Variants in SRD5A2 observed in about 807,000 individuals in gnomAD.
The protein encoded by SRD5A2 is steroid 5 alpha-reductase 2.
Under a neutral mutation model 27.4 loss-of-function variants are expected in SRD5A2, and 30 were observed. The ratio of observed to expected loss-of-function variants is 1.10; its 90% CI spans 0.82 to 1.49. The LOEUF (loss-of-function observed/expected upper bound fraction) is 1.49. Among genes scored for constraint, SRD5A2 ranks in the 40% most tolerant of loss-of-function variants. The probability of loss-of-function intolerance (pLI) is 0.00; values close to 1 mark genes in which losing one functional copy is unlikely to be tolerated. For synonymous variants in SRD5A2, 141 were observed against 133.6 expected (o/e 1.06, Z -0.38); for missense variants, 348 against 323.4 (o/e 1.08, Z -0.58).
chr2:31,541,889 G>A (rs1666136810), intron 1 of SRD5A2, among the ~76,000 whole-genome samples: 1 of 152,204 alleles, frequency 6.6e-6, no homozygotes, highest in African/African-American at 2.4e-5. Context: ...GGAGCATATA[G>A]ATCAGCCCTA....
At chr2:31,635,533 T>C in the SRD5A2 span, among the ~76,000 whole-genome samples, 3 of 152,176 alleles carry the variant, frequency 2.0e-5, no homozygotes, top group Non-Finnish European at 4.4e-5. Flanking sequence ...CCTTTGCTTT[T>C]TAGAAGTATT....
At chr2:31,656,647 C>G in the SRD5A2 span, among the ~76,000 whole-genome samples, 1 of 152,142 alleles carries the variant, frequency 6.6e-6, no homozygotes, top group African/African-American at 2.4e-5. Flanking sequence ...GACACAGTAA[C>G]AAGGCAACAT....
chr2:31,580,825 A>T lies in SRD5A2; in HGVS notation c.76T>A (p.Tyr26Asn). Residue 26 changes from tyrosine (Y) to asparagine (N), a missense_variant, in exon 1 of 5, where the codon TAC becomes AAC. Tyr to Asn is a moderately radical substitution (Grantham distance 143). Coordinates refer to ENST00000622030, the MANE Select transcript of SRD5A2 (RefSeq NM_000348.4). ...TLVALGALALYVAKPSGYGKH... is the reference protein window; with the variant it reads ...TLVALGALALNVAKPSGYGKH... ...CCGTAGCCGGAGGGCTTCGCGACGT[A>T]CAAGGCCAGTGCCCCAAGGGCGACC... is the stretch of plus-strand genomic sequence containing the variant. The T allele has an allele frequency of 6.2e-7, 1 of 1,612,544 alleles. No homozygotes were observed. The highest frequency in any genetic ancestry group is 8.5e-7 in the Non-Finnish European group (1 of 1,179,698).
At chr2:31,565,397 T>A (rs1200289780) in intron 1 of SRD5A2, among the ~76,000 whole-genome samples, 1 of 151,852 alleles carries the variant, frequency 6.6e-6, no homozygotes, top group African/African-American at 2.4e-5. Flanking sequence ...TCAGAGATTG[T>A]CAGAATGGCA....
chr2:31,598,645 C>G, the SRD5A2 span, among the ~76,000 whole-genome samples: 2 of 150,996 alleles, frequency 1.3e-5, no homozygotes, highest in African/African-American at 4.9e-5. Flanking sequence ...CTCATGGTAA[C>G]CTCACACCAA....
chr2:31,583,113 T>C (rs1001910949), upstream of SRD5A2, among the ~76,000 whole-genome samples: 5 of 152,234 alleles, frequency 3.3e-5, no homozygotes, highest in South Asian at 4.1e-4. Flanking sequence ...GCTTGACTTA[T>C]CTTAACAATA....
intron 1 of SRD5A2, among the ~76,000 whole-genome samples, chr2:31,555,956 A>C (rs725631): frequency 0.72 from 109,811 of 151,998 alleles, 40,053 homozygotes; most frequent in African/African-American, 0.8. Flanking sequence ...AAAACAAAAT[A>C]AAAAACAGCC....
chr2:31,533,487 G>C, intron 2 of SRD5A2, 116 bp downstream of exon 2: 1 of 912,324 alleles, frequency 1.1e-6, no homozygotes, highest in South Asian at 1.6e-5. Context: ...TAGAGGTGAG[G>C]GAGGGGAAGA....
chr2:31,649,135 T>G, the SRD5A2 span, among the ~76,000 whole-genome samples: 4 of 152,178 alleles, frequency 2.6e-5, no homozygotes, highest in Non-Finnish European at 4.4e-5. Context: ...TCATTTGGAG[T>G]GGATAACTGG....
intron 1 of SRD5A2, among the ~76,000 whole-genome samples, chr2:31,542,854 G>C (rs1422704519): frequency 2.0e-5 from 3 of 152,222 alleles, no homozygotes; most frequent in East Asian, 3.9e-4. Context: ...ACAACGCAGA[G>C]AGAAAGAAAG....
chr2:31,633,853 C>G, the SRD5A2 span, among the ~76,000 whole-genome samples: 1 of 152,168 alleles, frequency 6.6e-6, no homozygotes, highest in African/African-American at 2.4e-5. Context: ...ACTTAGCTCA[C>G]ACCTGACCAA....
the SRD5A2 span, among the ~76,000 whole-genome samples, chr2:31,640,874 C>G: frequency 6.6e-6 from 1 of 151,886 alleles, no homozygotes; most frequent in African/African-American, 2.4e-5. Context: ...AAAAAAAAGT[C>G]TCCTGCCAGG....
chr2:31,598,878 C>T, the SRD5A2 span, among the ~76,000 whole-genome samples: 1 of 151,822 alleles, frequency 6.6e-6, no homozygotes, highest in African/African-American at 2.4e-5. Context: ...CATAAAGTAG[C>T]TGAATGGATG....
At chr2:31,643,597 T>G in the SRD5A2 span, among the ~76,000 whole-genome samples, 1 of 152,062 alleles carries the variant, frequency 6.6e-6, no homozygotes, top group African/African-American at 2.4e-5. Flanking sequence ...CAAAAGGAAC[T>G]AATGCACTTG....
At chr2:31,640,321 T>A in the SRD5A2 span, among the ~76,000 whole-genome samples, 1 of 152,148 alleles carries the variant, frequency 6.6e-6, no homozygotes, top group Non-Finnish European at 1.5e-5. Flanking sequence ...AGCTGACAAA[T>A]CACCTTCTTG....
chr2:31,546,845 C>A (rs1666272005), intron 1 of SRD5A2, among the ~76,000 whole-genome samples: 1 of 152,010 alleles, frequency 6.6e-6, no homozygotes, highest in Non-Finnish European at 1.5e-5. Context: ...ACCTGTAATC[C>A]CAGCACTTTG....
the SRD5A2 span, among the ~76,000 whole-genome samples, chr2:31,613,004 A>T: frequency 6.6e-6 from 1 of 152,210 alleles, no homozygotes; most frequent in Admixed American, 6.5e-5. Context: ...CATACCATAT[A>T]CAAAAATTAA....
the SRD5A2 span, among the ~76,000 whole-genome samples, chr2:31,629,002 T>C: frequency 2.6e-5 from 4 of 152,306 alleles, no homozygotes; most frequent in African/African-American, 9.6e-5. Flanking sequence ...CTTAAATGTA[T>C]GATTTTTTTC....
the SRD5A2 span, among the ~76,000 whole-genome samples, chr2:31,589,909 C>T: frequency 1.3e-5 from 2 of 152,140 alleles, no homozygotes; most frequent in Non-Finnish European, 2.9e-5. Flanking sequence ...TGGATATAAA[C>T]TCAGTGCTGT....
Sources: allele counts gnomAD v4.1 joint callset (sites outside exome capture counted in the v4.1 genomes callset), GRCh38; gene constraint gnomAD v4.1.1; transcripts MANE v1.5; gene names NCBI Gene and HGNC (gene_info 2026-07-23, HGNC 2026-07-21).